HIVEP3: variants seen among roughly 807,000 people sequenced by gnomAD.
HIVEP3 encodes the protein HIVEP zinc finger 3, also known as transcription factor HIVEP3.
A neutral mutation model predicts 152.8 loss-of-function variants in HIVEP3; 49 were observed. The ratio of observed to expected loss-of-function variants is 0.32; its 90% confidence interval spans 0.26 to 0.41. The LOEUF is 0.41. Ranked by LOEUF, HIVEP3 falls within the 10% of genes least tolerant of loss-of-function variation. HIVEP3 has a pLI of 1.00. For missense variants in HIVEP3, 2,790 were observed against 3,103.3 expected, an observed-to-expected ratio of 0.90 and a Z score of 2.40; for synonymous variants, 1,269 against 1,289.0, an observed-to-expected ratio of 0.98 and a Z score of 0.33.
At chr1:41,768,262 C>T (rs146805714) in intron 1 of HIVEP3, among the ~76,000 whole-genome samples, 66 of 152,278 alleles carry the variant, frequency 4.3e-4, no homozygotes, top group South Asian at 1.9e-3. Context: ...TGGATGACAG[C>T]GGACAAGGAG....
intron 1 of HIVEP3, among the ~76,000 whole-genome samples, chr1:41,979,248 C>T (rs975550086): frequency 6.6e-6 from 1 of 152,240 alleles, no homozygotes; most frequent in Non-Finnish European, 1.5e-5. Context: ...CCCTGACCCA[C>T]AACTTGGTTC....
At chr1:41,516,979 T>G (rs1414122059) in intron 7 of HIVEP3, among the ~76,000 whole-genome samples, 1 of 152,266 alleles carries the variant, frequency 6.6e-6, no homozygotes, top group East Asian at 1.9e-4. Flanking sequence ...CCATGCCGAC[T>G]GCCTGAGGGC....
At chr1:41,579,687 CA>C (rs1644370425) in intron 4 of HIVEP3, 49 bp downstream of exon 4, 1 of 1,510,126 alleles carries the variant, frequency 6.6e-7, no homozygotes, top group South Asian at 1.4e-5. Context: ...AAAAGCTCGC[CA>C]AGTGCTTTTG....
At chr1:41,708,234 G>A (rs558187404) in intron 1 of HIVEP3, among the ~76,000 whole-genome samples, 6 of 152,276 alleles carry the variant, frequency 3.9e-5, no homozygotes, top group African/African-American at 9.6e-5. Context: ...ATTGTACATC[G>A]TTTACCTCCA....
chr1:42,021,742 C>A (rs1023047257), intron 1 of HIVEP3, among the ~76,000 whole-genome samples: 1 of 152,178 alleles, frequency 6.6e-6, no homozygotes, highest in Non-Finnish European at 1.5e-5. Flanking sequence ...AGAGCAAAGA[C>A]TGAGGAATGT....
At chr1:41,771,234 T>C (rs1225611001) in intron 1 of HIVEP3, among the ~76,000 whole-genome samples, 2 of 151,924 alleles carry the variant, frequency 1.3e-5, no homozygotes, top group Non-Finnish European at 2.9e-5. Flanking sequence ...AAAAATAATT[T>C]CAATTGCTGT....
intron 1 of HIVEP3, among the ~76,000 whole-genome samples, chr1:41,915,990 C>T (rs1421872289): frequency 6.6e-6 from 1 of 152,122 alleles, no homozygotes; most frequent in African/African-American, 2.4e-5. Context: ...AAAAAAGAGC[C>T]TTAAAGACAT....
At chr1:41,640,994 T>G (rs1338107433) in intron 2 of HIVEP3, among the ~76,000 whole-genome samples, 1 of 152,114 alleles carries the variant, frequency 6.6e-6, no homozygotes, top group Non-Finnish European at 1.5e-5. Context: ...AGAGCAAGAG[T>G]GCACGCCCTG....
At chr1:41,681,395 G>A (rs546180167) in intron 2 of HIVEP3, among the ~76,000 whole-genome samples, 4 of 152,340 alleles carry the variant, frequency 2.6e-5, no homozygotes, top group Admixed American at 1.3e-4. Context: ...TGCTGAGCCT[G>A]ATCTGTGTGT....
rs1040909379 is a variant in HIVEP3 at position 41,925,074 on chromosome 1, G to A, written n.120-6550C>T. Among the ~76,000 whole-genome samples, 50 of 152,262 alleles carry A rather than the reference G, an allele frequency of 3.3e-4. 1 individual carries two copies. Among genetic ancestry groups the A allele is most frequent in the Non-Finnish European group, 6.3e-4 (43 of 68,016 alleles). ...AGAGGTCTGCAAACTACAGCCCTTC[G>A]TGCAGGCTAATTTTTACAGCCCATA... is the stretch of plus-strand genomic sequence containing the variant. On this transcript the variant is annotated intron_variant and non_coding_transcript_variant, in intron 1 of 3. Coordinates refer to the HIVEP3 transcript ENST00000489103.
intron 2 of HIVEP3, among the ~76,000 whole-genome samples, chr1:41,653,061 G>A (rs1645575858): frequency 6.6e-6 from 1 of 152,072 alleles, no homozygotes; most frequent in South Asian, 2.1e-4. Flanking sequence ...GTGAGAAACT[G>A]ACATGCTGAA....
chr1:41,830,608 G>A (rs546553839), intron 1 of HIVEP3, among the ~76,000 whole-genome samples: 3 of 152,272 alleles, frequency 2.0e-5, no homozygotes, highest in South Asian at 4.1e-4. Context: ...CTGATCACTC[G>A]CACAGGGACA....
intron 1 of HIVEP3, among the ~76,000 whole-genome samples, chr1:41,989,990 C>A (rs348136): frequency 0.6 from 30,109 of 49,784 alleles, 6,771 homozygotes; most frequent in East Asian, 0.72. Flanking sequence ...GATTTTGCTC[C>A]TTAGTTGATG....
At chr1:41,862,780 A>C (rs1209132628) in intron 1 of HIVEP3, among the ~76,000 whole-genome samples, 1 of 152,236 alleles carries the variant, frequency 6.6e-6, no homozygotes, top group Non-Finnish European at 1.5e-5. Context: ...GGAGTCAGGC[A>C]AGGGAATCAG....
chr1:41,669,492 AG>A (rs1247064025), intron 2 of HIVEP3, among the ~76,000 whole-genome samples: 1 of 152,190 alleles, frequency 6.6e-6, no homozygotes, highest in East Asian at 1.9e-4. Flanking sequence ...TTGGATCAGT[AG>A]ACTTAAAGCA....
In HIVEP3 at chr1:42,029,754, C is replaced by T. The variant is rs190299067; in HGVS notation, n.119+6053G>A. 4.6e-3 allele frequency among the ~76,000 whole-genome samples: 701 copies of T among 152,274 alleles called. 5 individuals carry two copies. The highest frequency in any genetic ancestry group is 0.01 in the Middle Eastern group (3 of 294). On this transcript the variant is annotated intron_variant and non_coding_transcript_variant, in intron 1 of 3. Transcript: ENST00000489103. ...AGCACTAATTAGAATTCATAGACAT[C>T]AATTATGTGATTATTCAAGAACTCT... is the stretch of plus-strand genomic sequence containing the variant.
At chr1:41,704,288 T>C (rs1285946546) in intron 1 of HIVEP3, among the ~76,000 whole-genome samples, 1 of 152,222 alleles carries the variant, frequency 6.6e-6, no homozygotes, top group Admixed American at 6.5e-5. Context: ...CTCATTTGCA[T>C]AGCCCAGGCT....
At chr1:41,915,795 A>T (rs1261023455) in intron 1 of HIVEP3, among the ~76,000 whole-genome samples, 1 of 152,206 alleles carries the variant, frequency 6.6e-6, no homozygotes, top group Non-Finnish European at 1.5e-5. Context: ...CAGATAAGGA[A>T]GAAAATTGGT....
intron 3 of HIVEP3, among the ~76,000 whole-genome samples, chr1:41,610,549 A>G (rs1644882661): frequency 6.6e-6 from 1 of 152,144 alleles, no homozygotes; most frequent in Non-Finnish European, 1.5e-5. Flanking sequence ...CAGGCCAGAG[A>G]GGGACGGTTC....
Sources: gnomAD v4.1 joint callset for allele counts (sites outside exome capture counted in the v4.1 genomes callset) on GRCh38, gnomAD v4.1.1 for gene constraint, MANE v1.5 for transcripts, NCBI Gene and HGNC (gene_info 2026-07-23, HGNC 2026-07-21) for gene names.